Variants in TMEM132D observed in about 807,000 individuals in gnomAD.
The protein encoded by TMEM132D is mature OL transmembrane protein.
Under a neutral mutation model 62.3 loss-of-function variants are expected in TMEM132D, and 21 were observed. The ratio of observed to expected loss-of-function variants is 0.34; its 90% CI spans 0.24 to 0.49. The LOEUF is 0.49. Among genes scored for constraint, TMEM132D ranks in the 20% least tolerant of loss-of-function variants. The probability of loss-of-function intolerance (pLI) is 0.99; values close to 1 mark genes in which losing one functional copy is unlikely to be tolerated. For missense variants in TMEM132D, 1,346 were observed against 1,402.8 expected (o/e 0.96, Z 0.65); for synonymous variants, 621 against 575.6 (o/e 1.08, Z -1.13).
At chr12:129,502,793 C>T (rs1875193067) in intron 3 of TMEM132D, among the ~76,000 whole-genome samples, 1 of 152,206 alleles carries the variant, frequency 6.6e-6, no homozygotes, top group Non-Finnish European at 1.5e-5. Context: ...GACCAATACT[C>T]ATGGCCAGGG....
Position 129,568,098 on chromosome 12 carries a change from A to C in TMEM132D, c.969-36893T>G, listed in dbSNP as rs561315476. Among the ~76,000 whole-genome samples the C allele has an allele frequency of 3.9e-5, 6 of 152,330 alleles. 1 individual carries two copies. The South Asian group carries it at 1.2e-3, about 32-fold the overall frequency. On this transcript the variant is annotated intron_variant, in intron 2 of 8. Coordinates refer to ENST00000422113, the MANE Select transcript of TMEM132D (RefSeq NM_133448.3). Reference sequence around the variant, plus strand: ...TCTATTACAGGAGCTCTAAGTGGGGAGATGGAAACTGCTTGGGTGGCAGGA... The same window carrying C: ...TCTATTACAGGAGCTCTAAGTGGGGCGATGGAAACTGCTTGGGTGGCAGGA...
In TMEM132D at chr12:129,903,207, C is replaced by T; in HGVS notation, c.79+54G>A. ...CCCCCATCCTCCACACACTCCCACA[C>T]ACTCACTCCAGGCGAAGTTAGTCCC... On this transcript the variant is annotated intron_variant, in intron 1 of 8. Transcript: ENST00000422113. This position sits in a 1 kb window ranked among gnomAD's most constrained non-coding sequence, Gnocchi z 6.2. The T allele has an allele frequency of 6.5e-7, 1 of 1,534,060 alleles. No homozygotes were observed. The highest frequency in any genetic ancestry group is 8.8e-7 in the Non-Finnish European group (1 of 1,131,330).
At chr12:129,398,822 C>T (rs536737131) in intron 3 of TMEM132D, among the ~76,000 whole-genome samples, 1 of 146,988 alleles carries the variant, frequency 6.8e-6, no homozygotes. Flanking sequence ...CAATGCATAT[C>T]TATTTATGTA....
chr12:129,800,988 G>A lies in TMEM132D; in HGVS notation c.80-100290C>T, dbSNP rs146282504. ...CTGGAAAATCAGGTCACTCCCACCC[G>A]AATACTGCGCTTTTCTGACGGGCTT... On this transcript the variant is annotated intron_variant, in intron 1 of 8. Coordinates refer to ENST00000422113, the MANE Select transcript of TMEM132D (RefSeq NM_133448.3). Among the ~76,000 whole-genome samples, 1,471 of 152,160 alleles carry A rather than the reference G, an allele frequency of 9.7e-3. 30 individuals carry two copies. Among genetic ancestry groups the A allele is most frequent in the South Asian group, 0.029 (139 of 4,812 alleles).
chr12:129,154,283 G>C (rs1417158340), intron 5 of TMEM132D, among the ~76,000 whole-genome samples: 1 of 152,288 alleles, frequency 6.6e-6, no homozygotes, highest in South Asian at 2.1e-4. Context: ...CAAGAGGGCT[G>C]TGCACTCTAC....
chr12:129,832,272 G>A (rs937216241), intron 1 of TMEM132D, among the ~76,000 whole-genome samples: 1 of 151,418 alleles, frequency 6.6e-6, no homozygotes, highest in Non-Finnish European at 1.5e-5. Context: ...GAGGAAAAAG[G>A]GGGAGGGAAA....
At chr12:129,248,772 C>T (rs1307189537) in intron 4 of TMEM132D, among the ~76,000 whole-genome samples, 1 of 152,140 alleles carries the variant, frequency 6.6e-6, no homozygotes, top group Non-Finnish European at 1.5e-5. Flanking sequence ...CATCTGTTGT[C>T]ATCATTGTGA....
intron 3 of TMEM132D, among the ~76,000 whole-genome samples, chr12:129,404,778 A>G (rs1001492658): frequency 6.6e-6 from 1 of 152,106 alleles, no homozygotes; most frequent in Non-Finnish European, 1.5e-5. Context: ...GTGTTAAGCC[A>G]TTCGTGAGAG....
intron 4 of TMEM132D, among the ~76,000 whole-genome samples, chr12:129,287,673 T>C (rs2135616286): frequency 6.6e-6 from 1 of 152,284 alleles, no homozygotes; most frequent in East Asian, 1.9e-4. Context: ...CAGGACATAT[T>C]GGCATCATAT....
chr12:129,162,822 C>A (rs1253888417), intron 5 of TMEM132D, among the ~76,000 whole-genome samples: 4 of 152,172 alleles, frequency 2.6e-5, no homozygotes, highest in Admixed American at 1.3e-4. Flanking sequence ...GCCAATTAAA[C>A]CCTGTTTCTT....
intron 1 of TMEM132D, among the ~76,000 whole-genome samples, chr12:129,739,581 TC>T (rs1489656781): frequency 6.6e-6 from 1 of 152,128 alleles, no homozygotes; most frequent in African/African-American, 2.4e-5. Context: ...TAATCAAAAT[TC>T]CTTTATGGCA....
intron 5 of TMEM132D, among the ~76,000 whole-genome samples, chr12:129,115,220 T>C (rs564795234): frequency 6.6e-6 from 1 of 152,220 alleles, no homozygotes; most frequent in African/African-American, 2.4e-5. Context: ...TTTCCATTGC[T>C]TTAGGATAAG....
intron 1 of TMEM132D, among the ~76,000 whole-genome samples, chr12:129,758,190 C>T (rs554710833): frequency 1.1e-3 from 165 of 152,282 alleles, no homozygotes; most frequent in Non-Finnish European, 1.9e-3. Context: ...CAGGTGTGAG[C>T]CACCACGCCT....
intron 4 of TMEM132D, among the ~76,000 whole-genome samples, chr12:129,259,486 T>C (rs1018813267): frequency 5.9e-5 from 9 of 152,146 alleles, no homozygotes; most frequent in African/African-American, 1.9e-4. Flanking sequence ...GAAGATGAAG[T>C]TGGAAAGGGA....
intron 4 of TMEM132D, among the ~76,000 whole-genome samples, chr12:129,260,847 A>G (rs1420734727): frequency 2.6e-5 from 4 of 152,224 alleles, no homozygotes; most frequent in Non-Finnish European, 5.9e-5. Context: ...ACATTGTATC[A>G]TTCATTTTTA....
At chr12:129,610,188 A>C (rs538705095) in intron 2 of TMEM132D, among the ~76,000 whole-genome samples, 1 of 151,816 alleles carries the variant, frequency 6.6e-6, no homozygotes, top group South Asian at 2.1e-4. Flanking sequence ...AGGAGAATAG[A>C]ATTGCTTGAA....
At chr12:129,147,788 T>G (rs1468223912) in intron 5 of TMEM132D, among the ~76,000 whole-genome samples, 1 of 152,220 alleles carries the variant, frequency 6.6e-6, no homozygotes, top group Non-Finnish European at 1.5e-5. Context: ...TGCTATTTAT[T>G]TTTTCTTGTA....
chr12:129,165,932 A>C (rs1451675681), intron 5 of TMEM132D, among the ~76,000 whole-genome samples: 1 of 152,208 alleles, frequency 6.6e-6, no homozygotes, highest in Non-Finnish European at 1.5e-5. Context: ...GACGCTGACT[A>C]TGGGCTGAGC....
At chr12:129,239,088 A>G (rs1366839387) in intron 4 of TMEM132D, among the ~76,000 whole-genome samples, 3 of 148,500 alleles carry the variant, frequency 2.0e-5, no homozygotes, top group Non-Finnish European at 4.4e-5. Flanking sequence ...ATGATTAAGG[A>G]TGTTGACCAT....
Sources: gnomAD v4.1 joint callset for allele counts (sites outside exome capture counted in the v4.1 genomes callset) on GRCh38, gnomAD v4.1.1 for gene constraint, Gnocchi (gnomAD v3.1) non-coding constraint, MANE v1.5 for transcripts, NCBI Gene and HGNC (gene_info 2026-07-23, HGNC 2026-07-21) for gene names.